Variants in ITPKB observed in about 807,000 individuals in gnomAD.
The protein encoded by ITPKB is inositol-trisphosphate 3-kinase B.
Under a neutral mutation model 69.4 loss-of-function variants are expected in ITPKB, and 13 were observed. That is an observed-to-expected ratio of 0.19 (90% CI 0.12 to 0.30). ITPKB has a LOEUF of 0.30. Among genes scored for constraint, ITPKB ranks in the 10% least tolerant of loss-of-function variants. The pLI is 1.00. For missense variants in ITPKB, 1,240 were observed against 1,250.5 expected, an observed-to-expected ratio of 0.99 and a Z score of 0.13; for synonymous variants, 584 against 513.7, an observed-to-expected ratio of 1.14 and a Z score of -1.85.
At chr1:226,698,773 C>T (rs1656561662) in intron 2 of ITPKB, among the ~76,000 whole-genome samples, 1 of 152,246 alleles carries the variant, frequency 6.6e-6, no homozygotes, top group South Asian at 2.1e-4. Context: ...ACTGGCTTCT[C>T]ATCCTGTCCT....
chr1:226,724,228 G>A (rs993130647), intron 2 of ITPKB, among the ~76,000 whole-genome samples: 11 of 152,006 alleles, frequency 7.2e-5, no homozygotes, highest in Non-Finnish European at 1.3e-4. Context: ...TGGCTGGCTC[G>A]GGCTCCACAC....
chr1:226,649,290 CGTGT>C (rs375474345), intron 2 of ITPKB, among the ~76,000 whole-genome samples: 2 of 139,238 alleles, frequency 1.4e-5, no homozygotes, highest in African/African-American at 2.7e-5. Flanking sequence ...TGTGTGTGTG[CGTGT>C]GTGTGCATGT....
At chr1:226,680,658 T>C (rs1656064357) in intron 2 of ITPKB, among the ~76,000 whole-genome samples, 1 of 152,188 alleles carries the variant, frequency 6.6e-6, no homozygotes, top group African/African-American at 2.4e-5. Context: ...ATATTGATGA[T>C]AGGGACTTTT....
intron 2 of ITPKB, among the ~76,000 whole-genome samples, chr1:226,728,090 AC>A (rs1029120149): frequency 5.9e-5 from 9 of 152,314 alleles, no homozygotes; most frequent in African/African-American, 9.6e-5. Flanking sequence ...GGGAAAAAAA[AC>A]ATCTCCTCCC....
At chr1:226,647,839 C>T (rs1423471882) in intron 3 of ITPKB, among the ~76,000 whole-genome samples, 1 of 152,246 alleles carries the variant, frequency 6.6e-6, no homozygotes. Context: ...GCCTAAGGCT[C>T]AGCCCACCTG....
intron 2 of ITPKB, among the ~76,000 whole-genome samples, chr1:226,688,612 G>T (rs1656271782): frequency 6.6e-6 from 1 of 152,248 alleles, no homozygotes; most frequent in African/African-American, 2.4e-5. Flanking sequence ...CTCAGGGGCT[G>T]CCCAGACCAC....
intron 7 of ITPKB, among the ~76,000 whole-genome samples, chr1:226,636,612 C>T (rs1668840790): frequency 6.6e-6 from 1 of 152,212 alleles, no homozygotes; most frequent in Non-Finnish European, 1.5e-5. Flanking sequence ...CCATGTAAGA[C>T]CCCATACAAG....
At chr1:226,713,515 A>G (rs1657024924) in intron 2 of ITPKB, among the ~76,000 whole-genome samples, 1 of 152,146 alleles carries the variant, frequency 6.6e-6, no homozygotes, top group South Asian at 2.1e-4. Context: ...ACGGCCAGGC[A>G]CCCTATCTCC....
At chr1:226,714,794 T>C (rs1657056454) in intron 2 of ITPKB, among the ~76,000 whole-genome samples, 1 of 152,238 alleles carries the variant, frequency 6.6e-6, no homozygotes, top group African/African-American at 2.4e-5. Flanking sequence ...TTCTCTCCCA[T>C]AGCATTCACT....
At chr1:226,728,421 C>A (rs1350906114) in intron 2 of ITPKB, among the ~76,000 whole-genome samples, 1 of 152,150 alleles carries the variant, frequency 6.6e-6, no homozygotes, top group Non-Finnish European at 1.5e-5. Context: ...TAGTCAAAAG[C>A]CTGAGTGTTG....
rs774107670 is a variant in ITPKB, at chr1:226,737,402, C to G, written c.57G>C (p.Glu19Asp). ...NSLVIMNSAN[E>D]MKSGGGPGPS... ...GCCCCGGGCCGCCGCCGCTCTTCAT[C>G]TCGTTGGCGCTATTCATGATCACCA... Residue 19 changes from glutamate to aspartate, a missense_variant, in exon 2 of 8, where the codon GAG becomes GAC. This residue lies in a region of ITPKB where 992 missense variants were observed against 853.8 expected (regional missense o/e 1.16). Coordinates refer to ENST00000429204, the MANE Select transcript of ITPKB (RefSeq NM_002221.4). The G allele has an allele frequency of 4.3e-5, 69 of 1,611,262 alleles. No individual in the cohort carries two copies. The highest frequency in any genetic ancestry group is 1.7e-4 in the Middle Eastern group (1 of 5,896).
At chr1:226,680,045 C>T (rs1298577679) in intron 2 of ITPKB, among the ~76,000 whole-genome samples, 2 of 152,184 alleles carry the variant, frequency 1.3e-5, no homozygotes, top group Non-Finnish European at 2.9e-5. Context: ...GACCAGCTTA[C>T]GGAACCAACC....
rs2102733592 is a variant in ITPKB at position 226,632,115 on chromosome 1, A to G, written c.*2556T>C. 1 of 152,794 alleles carries G rather than the reference A, an allele frequency of 6.5e-6. No individual in the cohort carries two copies. The highest frequency in any genetic ancestry group is 1.9e-4 in the East Asian group (1 of 5,186). 9.5% of individuals were successfully genotyped at this position (152,794 alleles called of 1,614,324 possible). ...AACCCAACAAAATAAATATAACTTA[A>G]AAATGTCTTACATGACACTAAAGGC... is the stretch of plus-strand genomic sequence containing the variant. On this transcript the variant is annotated 3_prime_UTR_variant, in exon 8 of 8. Coordinates refer to ENST00000429204, the MANE Select transcript of ITPKB (RefSeq NM_002221.4).
intron 6 of ITPKB, among the ~76,000 whole-genome samples, chr1:226,638,102 C>T (rs577193938): frequency 7.9e-5 from 12 of 152,218 alleles, no homozygotes; most frequent in Non-Finnish European, 1.2e-4. Context: ...TTGGGAAGCT[C>T]GTCATACACA....
intron 2 of ITPKB, among the ~76,000 whole-genome samples, chr1:226,734,611 G>A (rs1657691173): frequency 6.6e-6 from 1 of 152,208 alleles, no homozygotes; most frequent in Non-Finnish European, 1.5e-5. Flanking sequence ...AGAAGTGCTA[G>A]CTTCAACTCC....
intron 2 of ITPKB, among the ~76,000 whole-genome samples, chr1:226,662,353 G>C (rs1266275237): frequency 6.6e-6 from 1 of 152,172 alleles, no homozygotes; most frequent in Non-Finnish European, 1.5e-5. Flanking sequence ...AGCTCTCCCA[G>C]GCACAGCCCT....
At chr1:226,704,267 C>G (rs1656749703) in intron 2 of ITPKB, among the ~76,000 whole-genome samples, 1 of 152,162 alleles carries the variant, frequency 6.6e-6, no homozygotes, top group East Asian at 1.9e-4. Flanking sequence ...ATACCAATTA[C>G]AAAGCATTGT....
chr1:226,720,230 G>A (rs1050401657), intron 2 of ITPKB, among the ~76,000 whole-genome samples: 9 of 152,168 alleles, frequency 5.9e-5, no homozygotes, highest in Non-Finnish European at 1.0e-4. Context: ...TCTTTCCCCC[G>A]GGGTCCAGTA....
chr1:226,721,106 G>C (rs933356802), intron 2 of ITPKB, among the ~76,000 whole-genome samples: 21 of 151,774 alleles, frequency 1.4e-4, no homozygotes, highest in African/African-American at 4.8e-4. Flanking sequence ...CACTTTGGGA[G>C]GCCGAGGTGG....
Sources: allele counts gnomAD v4.1 joint callset (sites outside exome capture counted in the v4.1 genomes callset), GRCh38; gene constraint gnomAD v4.1.1; regional missense constraint gnomAD v4.1.1; transcripts MANE v1.5; gene names NCBI Gene and HGNC (gene_info 2026-07-23, HGNC 2026-07-21).